The following EIF3E variants were observed in gnomAD, a reference collection of about 807,000 sequenced individuals.
EIF3E encodes eukaryotic translation initiation factor 3 subunit E.
In EIF3E, 25 loss-of-function variants were observed where a neutral mutation model predicts 59.3. The observed-to-expected ratio is 0.42, with a 90% CI of 0.31 to 0.59. The LOEUF is 0.59. EIF3E is among the 20% of genes least tolerant of loss of function. The probability of loss-of-function intolerance (pLI) is 0.15; values close to 1 mark genes in which losing one functional copy is unlikely to be tolerated. For synonymous variants in EIF3E, 176 were observed against 170.2 expected (o/e 1.03, Z -0.26); for missense variants, 317 against 534.3 (o/e 0.59, Z 4.01).
Position 108,235,063 on chromosome 8 carries a change from T to C in EIF3E, c.406A>G (p.Lys136Glu). 2.5e-6 allele frequency: 4 copies of C among 1,599,546 alleles called. No individual in the cohort carries two copies. The highest frequency in any genetic ancestry group is 1.1e-5 in the South Asian group (1 of 87,448). Residue 136 changes from lysine to glutamate, a missense_variant, in exon 5 of 13, where the codon AAA becomes GAA. By Grantham distance (56) the Lys-to-Glu change is moderately conservative. Coordinates refer to ENST00000220849, the MANE Select transcript of EIF3E (RefSeq NM_001568.3). ...TAATTCCCACATTCGTACTGGAATTTTGCATATCTGTAGAGTGTATCTAAA... is the reference window on the plus strand; with the variant it reads ...TAATTCCCACATTCGTACTGGAATTCTGCATATCTGTAGAGTGTATCTAAA... ...EYLDTLYRYA[K>E]FQYECGNYSG...
At chr8:108,227,297 C>A (rs968980917) in intron 7 of EIF3E, 1 of 152,012 alleles carries the variant, frequency 6.6e-6, no homozygotes, top group Non-Finnish European at 1.5e-5. Context: ...GCACTCCAGT[C>A]TGGGCAACAC....
At chr8:108,233,327 CA>C (rs1460744614) in intron 5 of EIF3E, 17 of 152,182 alleles carry the variant, frequency 1.1e-4, no homozygotes, top group African/African-American at 4.1e-4. Context: ...TTACCTGAAT[CA>C]GTAATACTAA....
At chr8:108,204,766 G>T (rs866837278) in intron 10 of EIF3E, among the ~76,000 whole-genome samples, 136 of 128,380 alleles carry the variant, frequency 1.1e-3, no homozygotes, top group African/African-American at 3.5e-3. Flanking sequence ...GAGAGAGAGA[G>T]AGAGAGAGAG....
At chr8:108,206,232 T>C (rs1475043223) in intron 10 of EIF3E, among the ~76,000 whole-genome samples, 10 of 151,848 alleles carry the variant, frequency 6.6e-5, no homozygotes, top group Admixed American at 6.6e-4. Context: ...GGTCTTGACT[T>C]AAACATCGCT....
intron 2 of EIF3E, 95 bp from the exon 3 acceptor site, chr8:108,240,170 A>T (rs1815808079): frequency 2.1e-6 from 2 of 965,110 alleles, no homozygotes; most frequent in East Asian, 4.8e-5. Context: ...GTGTATTTAA[A>T]CTATACATAT....
In EIF3E at chr8:108,241,843, G is replaced by A. The variant is rs1815842299; in HGVS notation, c.161C>T (p.Ala54Val). ...LLSDTNMVDF[A>V]MDVYKNLYSD... ...ATAAAGGTTTTTGTATACATCCATA[G>A]CAAAGTCTACCATGTTGGTATCACT... The change falls in exon 2 of 13, where the codon GCT becomes GTT. Residue 54 changes from alanine (A) to valine (V), a missense_variant. Transcript: ENST00000220849. 6.2e-7 allele frequency: 1 copy of A among 1,601,154 alleles called. No individual in the cohort carries two copies.
chr8:108,240,907 G>A (rs1480193533), intron 2 of EIF3E, among the ~76,000 whole-genome samples: 1 of 151,966 alleles, frequency 6.6e-6, no homozygotes, highest in Non-Finnish European at 1.5e-5. Context: ...GTGAACCCGG[G>A]AGGCGGAGCT....
chr8:108,231,657 G>A (rs1398217329), intron 5 of EIF3E: 1 of 149,440 alleles, frequency 6.7e-6, no homozygotes, highest in African/African-American at 2.5e-5. Context: ...CCACAATGAG[G>A]GAAAATTTTA....
chr8:108,223,882 G>A (rs1041869116), intron 7 of EIF3E, among the ~76,000 whole-genome samples: 6 of 151,262 alleles, frequency 4.0e-5, no homozygotes, highest in African/African-American at 1.5e-4. Context: ...TTCATTTTAA[G>A]GACAAACGTA....
At chr8:108,203,157 T>G in intron 11 of EIF3E, 40 bp from the exon 12 acceptor site, 2 of 1,596,410 alleles carry the variant, frequency 1.3e-6, no homozygotes, top group Non-Finnish European at 1.7e-6. Context: ...ATAATGTTAA[T>G]GACTGAGTTT....
intron 10 of EIF3E, among the ~76,000 whole-genome samples, chr8:108,204,746 T>TATATATAGAG (rs1354950271): frequency 1.6e-4 from 18 of 113,660 alleles, no homozygotes; most frequent in Middle Eastern, 5.2e-3. Context: ...TATATATATA[T>TATATATAGAG]AGAGAGAGAG....
At chr8:108,207,557 C>A (rs769608130) in intron 10 of EIF3E, among the ~76,000 whole-genome samples, 3 of 152,120 alleles carry the variant, frequency 2.0e-5, no homozygotes, top group Non-Finnish European at 2.9e-5. Flanking sequence ...TGCAGAATTT[C>A]TGAGAAAAAT....
intron 1 of EIF3E, among the ~76,000 whole-genome samples, chr8:108,243,638 G>GAAAAAAA (rs779684560): frequency 3.2e-4 from 23 of 70,982 alleles, no homozygotes; most frequent in Non-Finnish European, 4.8e-4. Context: ...CAAAAAAAAA[G>GAAAAAAA]AAAAAAAAAA....
chr8:108,245,128 C>A (rs187987440), intron 1 of EIF3E, among the ~76,000 whole-genome samples: 20 of 151,280 alleles, frequency 1.3e-4, no homozygotes, highest in Middle Eastern at 3.4e-3. Flanking sequence ...ACTGCCCCCC[C>A]CTCCCATCCC....
chr8:108,201,989 A>C (rs2129830476), intron 12 of EIF3E, 66 bp from the exon 13 acceptor site: 1 of 1,430,100 alleles, frequency 7.0e-7, no homozygotes, highest in Non-Finnish European at 9.4e-7. Flanking sequence ...ACTAACATAG[A>C]AGAAAGTAAC....
chr8:108,217,164 G>A (rs1389521229), intron 8 of EIF3E, among the ~76,000 whole-genome samples, 170 bp downstream of exon 8: 1 of 151,988 alleles, frequency 6.6e-6, no homozygotes, highest in East Asian at 1.9e-4. Context: ...TTGGACTTAA[G>A]GAAAACAAAA....
chr8:108,242,319 G>C, intron 1 of EIF3E: 1 of 1,289,666 alleles, frequency 7.8e-7, no homozygotes, highest in Non-Finnish European at 1.0e-6. Flanking sequence ...ACTCCTATAT[G>C]CTTCTCCATC....
chr8:108,239,491 C>T (rs1043170290), intron 3 of EIF3E, among the ~76,000 whole-genome samples: 2 of 152,148 alleles, frequency 1.3e-5, no homozygotes, highest in Admixed American at 6.5e-5. Context: ...TGTGAGCCAC[C>T]ACACAGTGGA....
At chr8:108,247,569 G>T (rs948869895) in intron 1 of EIF3E, among the ~76,000 whole-genome samples, 2 of 152,142 alleles carry the variant, frequency 1.3e-5, no homozygotes, top group East Asian at 1.9e-4. Context: ...TGAATATGAG[G>T]ATTATACCTG....
Sources: allele counts gnomAD v4.1 joint callset (sites outside exome capture counted in the v4.1 genomes callset), GRCh38; gene constraint gnomAD v4.1.1; transcripts MANE v1.5; gene names NCBI Gene and HGNC (gene_info 2026-07-23, HGNC 2026-07-21).